RNF144B: variants seen among roughly 807,000 people sequenced by gnomAD.
RNF144B encodes E3 ubiquitin-protein ligase RNF144B.
A neutral mutation model predicts 40.2 loss-of-function variants in RNF144B; 25 were observed. That is an observed-to-expected ratio of 0.62 (90% CI 0.45 to 0.87). RNF144B has a LOEUF of 0.87. RNF144B is among the 40% of genes least tolerant of loss of function. The probability of loss-of-function intolerance (pLI) is 0.00; values close to 1 mark genes in which losing one functional copy is unlikely to be tolerated. For synonymous variants in RNF144B, 145 were observed against 136.3 expected (o/e 1.06, Z -0.44); for missense variants, 365 against 373.7 (o/e 0.98, Z 0.19).
rs1346833982 is a variant in RNF144B, at chr6:18,419,036, C to A, written c.166-8545C>A. On this transcript the variant is annotated intron_variant, in intron 2 of 7. Coordinates refer to ENST00000259939, the MANE Select transcript of RNF144B (RefSeq NM_182757.4). This position sits in a 1 kb window ranked among gnomAD's most constrained non-coding sequence, Gnocchi z 4.6. Reference sequence around the variant, plus strand: ...GAGACCTGGGAACTTACAAGGAGGGCAAAACCTCAGACCCCACCCAAGATC... The same window carrying A: ...GAGACCTGGGAACTTACAAGGAGGGAAAAACCTCAGACCCCACCCAAGATC... 2.6e-5 allele frequency among the ~76,000 whole-genome samples: 4 copies of A among 152,062 alleles called. No individual in the cohort carries two copies.
intron 1 of RNF144B, among the ~76,000 whole-genome samples, chr6:18,390,157 T>C (rs1340283428): frequency 1.3e-5 from 2 of 152,248 alleles, no homozygotes; most frequent in Non-Finnish European, 2.9e-5. Context: ...TTATAAAAAG[T>C]ACTTCGATGT....
chr6:18,438,020 A>G (rs964126089), intron 3 of RNF144B, among the ~76,000 whole-genome samples: 5 of 152,172 alleles, frequency 3.3e-5, no homozygotes, highest in African/African-American at 1.2e-4. Flanking sequence ...GGTGGTGGTT[A>G]AAAAAAGATT....
chr6:18,429,242 G>C (rs1758637290), intron 3 of RNF144B, among the ~76,000 whole-genome samples: 1 of 152,020 alleles, frequency 6.6e-6, no homozygotes, highest in Non-Finnish European at 1.5e-5. Context: ...TAGGTAGATA[G>C]AATGTATGAT....
rs1230612137 is a variant in RNF144B, at chr6:18,457,348, A to C, written c.525A>C (p.Pro175=). The part of the protein sequence containing the change: ...SCRDSQPIVL[P]TEHRALFGTD... ...GAGACAGTCAGCCTATTGTCCTGCC[A>C]ACAGAGCACCGGTAAGAAAGGAAAC... Residue 175 remains proline (P), a synonymous_variant, in exon 5 of 8, where the codon CCA becomes CCC. Transcript: ENST00000259939. This position sits in a 1 kb window ranked among gnomAD's most constrained non-coding sequence, Gnocchi z 5.1. The C allele has an allele frequency of 1.9e-6, 3 of 1,613,342 alleles. No individual in the cohort carries two copies. The highest frequency in any genetic ancestry group is 2.5e-6 in the Non-Finnish European group (3 of 1,179,232).
Position 18,398,164 on chromosome 6 carries a change from C to T in RNF144B, c.-36-1335C>T, listed in dbSNP as rs9371055. On this transcript the variant is annotated intron_variant, in intron 1 of 7. Transcript: ENST00000259939. The surrounding 1 kb of genome is among the most constrained non-coding windows in gnomAD (Gnocchi z 5.0). ...CTTCATTTCCCCCTCCCACCAGCCC[C>T]TGGTAACCTCTATTCTTCTTTTTGT... is the stretch of plus-strand genomic sequence containing the variant. Among the ~76,000 whole-genome samples, 1 of 151,962 alleles carries T rather than the reference C, an allele frequency of 6.6e-6. No homozygotes were observed. Among genetic ancestry groups the T allele is most frequent in the Non-Finnish European group, 1.5e-5 (1 of 67,982 alleles).
intron 3 of RNF144B, among the ~76,000 whole-genome samples, chr6:18,429,700 G>C (rs962901229): frequency 6.6e-6 from 1 of 152,168 alleles, no homozygotes; most frequent in African/African-American, 2.4e-5. Context: ...TGTCACTTCA[G>C]AATTGTTTTT....
In RNF144B at chr6:18,422,629, C is replaced by T. The variant is rs1398522061; in HGVS notation, c.166-4952C>T. 1.3e-5 allele frequency among the ~76,000 whole-genome samples: 2 copies of T among 152,154 alleles called. No homozygotes were observed. The highest frequency in any genetic ancestry group is 2.9e-5 in the Non-Finnish European group (2 of 68,034). On this transcript the variant is annotated intron_variant, in intron 2 of 7. Coordinates refer to ENST00000259939, the MANE Select transcript of RNF144B (RefSeq NM_182757.4). The surrounding 1 kb of genome is among the most constrained non-coding windows in gnomAD (Gnocchi z 4.7). ...TTTGACCACAGGACCCCAGCGCCTG[C>T]ATCCAGAAGCATCTAAGATCCTGGA...
At position 18,434,231 on chromosome 6, in the gene RNF144B, T is replaced by C. The variant is rs186198242; in HGVS notation, c.271-5453T>C. Among the ~76,000 whole-genome samples the C allele has an allele frequency of 2.0e-5, 3 of 152,328 alleles. No homozygotes were observed. The East Asian group carries it at 5.8e-4, about 29-fold the overall frequency. On this transcript the variant is annotated intron_variant, in intron 3 of 7. Coordinates refer to ENST00000259939, the MANE Select transcript of RNF144B (RefSeq NM_182757.4). The surrounding 1 kb of genome is among the most constrained non-coding windows in gnomAD (Gnocchi z 4.1). The stretch of plus-strand genomic sequence containing the variant: ...TTTCATTTTTTTAATTGAGTCTTTT[T>C]TTCTTAACTAAAAAGCAATATACAT...
Position 18,468,064 on chromosome 6 carries a change from A to T in RNF144B, c.*2997A>T, listed in dbSNP as rs1247140854. On this transcript the variant is annotated 3_prime_UTR_variant, in exon 8 of 8. Coordinates refer to ENST00000259939, the MANE Select transcript of RNF144B (RefSeq NM_182757.4). ...CTGCCAGCTTTGTCCTTTCTGAGTG[A>T]TTCTCTTTCTGTATTGAGAGGAAGT... 6.6e-6 allele frequency: 1 copy of T among 152,136 alleles called. No individual in the cohort carries two copies. The highest frequency in any genetic ancestry group is 2.4e-5 in the African/African-American group (1 of 41,398). The allele number at this position is 152,136 out of a possible 1,614,324, so 9.4% of individuals were successfully genotyped here.
Position 18,459,500 on chromosome 6 carries a change from G to T in RNF144B, c.537-107G>T. ...TGCCCACACCCTTTCTTTTGGAAGT[G>T]AATTAAGCATGGATAACTGTGAGTT... On this transcript the variant is annotated intron_variant, in intron 5 of 7. Coordinates refer to ENST00000259939, the MANE Select transcript of RNF144B (RefSeq NM_182757.4). This position sits in a 1 kb window ranked among gnomAD's most constrained non-coding sequence, Gnocchi z 4.2. The T allele has an allele frequency of 9.0e-7, 1 of 1,114,154 alleles. No homozygotes were observed. Among genetic ancestry groups the T allele is most frequent in the East Asian group, 2.4e-5 (1 of 41,538 alleles). 69.0% of individuals were successfully genotyped at this position (1,114,154 alleles called of 1,614,324 possible). A position where few individuals can be genotyped will look rare whatever the true frequency, so the allele number is the denominator to read the frequency against.
chr6:18,417,090 AG>A, intron 2 of RNF144B, among the ~76,000 whole-genome samples: 1 of 152,336 alleles, frequency 6.6e-6, no homozygotes, highest in Middle Eastern at 3.4e-3. Context: ...AAAATACTCT[AG>A]AAAGAAATTT....
Position 18,441,160 on chromosome 6 carries a change from G to T in RNF144B, c.331+1416G>T, listed in dbSNP as rs1324350769. ...GAGCATTATAACACCAGATATGATA[G>T]CTAAAGATAAGAGCATCAACCATCT... On this transcript the variant is annotated intron_variant, in intron 4 of 7. Coordinates refer to ENST00000259939, the MANE Select transcript of RNF144B (RefSeq NM_182757.4). This position sits in a 1 kb window ranked among gnomAD's most constrained non-coding sequence, Gnocchi z 4.9. Among the ~76,000 whole-genome samples, 1 of 152,048 alleles carries T rather than the reference G, an allele frequency of 6.6e-6. No homozygotes were observed. Among genetic ancestry groups the T allele is most frequent in the African/African-American group, 2.4e-5 (1 of 41,372 alleles).
At chr6:18,394,772 A>G (rs1794659511) in intron 1 of RNF144B, among the ~76,000 whole-genome samples, 1 of 152,234 alleles carries the variant, frequency 6.6e-6, no homozygotes, top group African/African-American at 2.4e-5. Flanking sequence ...ACGAGGGGAA[A>G]GGCGACTTTC....
At chr6:18,431,740 A>G (rs1343662527) in intron 3 of RNF144B, among the ~76,000 whole-genome samples, 2 of 152,232 alleles carry the variant, frequency 1.3e-5, no homozygotes, top group East Asian at 1.9e-4. Flanking sequence ...TACCAAATGC[A>G]TTTAAGTCTA....
rs142888294 is a variant in RNF144B, at chr6:18,456,610, A to T, written c.332-545A>T. Among the ~76,000 whole-genome samples the T allele has an allele frequency of 2.6e-3, 392 of 152,344 alleles. 2 individuals are homozygous for T. Among genetic ancestry groups the T allele is most frequent in the African/African-American group, 8.9e-3 (370 of 41,570 alleles). On this transcript the variant is annotated intron_variant, in intron 4 of 7. Coordinates refer to ENST00000259939, the MANE Select transcript of RNF144B (RefSeq NM_182757.4). The surrounding 1 kb of genome is among the most constrained non-coding windows in gnomAD (Gnocchi z 4.7). ...TACAGAGAACACTTTTTATCTGTTC[A>T]TAAAGGCAATGGTAAGCTATTCTGT...
In RNF144B at chr6:18,459,788, A is replaced by G. The variant is rs971813945; in HGVS notation, c.681+37A>G. 1.9e-6 allele frequency: 3 copies of G among 1,582,702 alleles called. No individual in the cohort carries two copies. The Admixed American group carries it at 5.1e-5, about 27-fold the overall frequency. On this transcript the variant is annotated intron_variant, in intron 6 of 7. Coordinates refer to ENST00000259939, the MANE Select transcript of RNF144B (RefSeq NM_182757.4). This position sits in a 1 kb window ranked among gnomAD's most constrained non-coding sequence, Gnocchi z 4.2. ...CTAGGTTTGTTGTATGGTGTTTCCT[A>G]TACTGTATCTGCACCACAGCTGATA...
Position 18,434,633 on chromosome 6 carries a change from G to GTTTTT in RNF144B, c.271-5048_271-5044dup, listed in dbSNP as rs35345258. Among the ~76,000 whole-genome samples the GTTTTT allele has an allele frequency of 1.3e-5, 2 of 151,942 alleles. No individual in the cohort carries two copies. The highest frequency in any genetic ancestry group is 6.6e-5 in the Admixed American group (1 of 15,252). ...CTGAGTGTTTTTGTTTTGTTTGTTT[G>GTTTTT]TTTTTTTAGACAGAGTCTTGCTCTG... is the stretch of plus-strand genomic sequence containing the variant. On this transcript the variant is annotated intron_variant, in intron 3 of 7. Transcript: ENST00000259939. The surrounding 1 kb of genome is among the most constrained non-coding windows in gnomAD (Gnocchi z 4.1).
intron 2 of RNF144B, among the ~76,000 whole-genome samples, chr6:18,409,561 CTTT>C (rs70974741): frequency 3.2e-5 from 3 of 93,274 alleles, no homozygotes; most frequent in Admixed American, 1.4e-4. Context: ...CTTGCATAAC[CTTT>C]TTTTTTTTTT....
rs61128858 is a variant in RNF144B, at chr6:18,448,688, GCACACACACACACA to G, written c.332-8451_332-8438del. Among the ~76,000 whole-genome samples the G allele has an allele frequency of 6.9e-6, 1 of 144,522 alleles. No individual in the cohort carries two copies. The highest frequency in any genetic ancestry group is 2.5e-5 in the African/African-American group (1 of 39,450). The allele number at this position is 144,522 out of a possible 152,430, so 94.8% of individuals were successfully genotyped here. On this transcript the variant is annotated intron_variant, in intron 4 of 7. Transcript: ENST00000259939. This position sits in a 1 kb window ranked among gnomAD's most constrained non-coding sequence, Gnocchi z 4.0. ...TCCATTTTATTTTGAAAGCCAGCAT[GCACACACACACACA>G]CACACACACACACACCCCACCCCCA...
Sources: gnomAD v4.1 joint callset for allele counts (sites outside exome capture counted in the v4.1 genomes callset) on GRCh38, gnomAD v4.1.1 for gene constraint, Gnocchi (gnomAD v3.1) non-coding constraint, MANE v1.5 for transcripts, NCBI Gene and HGNC (gene_info 2026-07-23, HGNC 2026-07-21) for gene names.